Variants in TBCD observed in about 807,000 individuals in gnomAD.
TBCD encodes tubulin folding cofactor D, also known as tubulin-specific chaperone D.
In TBCD, 105 loss-of-function variants were observed where a neutral mutation model predicts 169.3. That is an observed-to-expected ratio of 0.62 (90% CI 0.53 to 0.73). The LOEUF (loss-of-function observed/expected upper bound fraction) is 0.73, where lower values mean the gene tolerates loss of function less well. Among genes scored for constraint, TBCD ranks in the 30% least tolerant of loss-of-function variants. TBCD has a pLI of 0.00. For missense variants in TBCD, 1,444 were observed against 1,600.1 expected (o/e 0.90, Z 1.66); for synonymous variants, 700 against 643.9 (o/e 1.09, Z -1.32).
At chr17:82,937,837 T>C in intron 35 of TBCD, 2 of 1,485,334 alleles carry the variant, frequency 1.3e-6, no homozygotes, top group Non-Finnish European at 9.0e-7. Context: ...GCGTCCTCAC[T>C]TCCCACAGTG....
At chr17:82,816,425 G>T (rs185937033) in intron 13 of TBCD, among the ~76,000 whole-genome samples, 1 of 152,166 alleles carries the variant, frequency 6.6e-6, no homozygotes, top group Admixed American at 6.6e-5. Context: ...GTAACTCCAC[G>T]TTTAACTTTC....
intron 13 of TBCD, among the ~76,000 whole-genome samples, chr17:82,860,065 G>T (rs2056627795): frequency 6.6e-6 from 1 of 152,266 alleles, no homozygotes; most frequent in African/African-American, 2.4e-5. Context: ...CTTGGGGCCA[G>T]TGGAGGTCTG....
chr17:82,816,942 T>C (rs1330392024), intron 13 of TBCD, among the ~76,000 whole-genome samples: 2 of 152,100 alleles, frequency 1.3e-5, no homozygotes, highest in Non-Finnish European at 2.9e-5. Flanking sequence ...CTGATGACAC[T>C]GAGCATTTTC....
At chr17:82,872,328 G>GA (rs1240806431) in intron 14 of TBCD, among the ~76,000 whole-genome samples, 1 of 152,274 alleles carries the variant, frequency 6.6e-6, no homozygotes, top group African/African-American at 2.4e-5. Flanking sequence ...TGGGGTGGCT[G>GA]AGAGCGGCTG....
At chr17:82,856,740 G>T (rs1285071465) in intron 13 of TBCD, among the ~76,000 whole-genome samples, 1 of 148,828 alleles carries the variant, frequency 6.7e-6, no homozygotes, top group Non-Finnish European at 1.5e-5. Flanking sequence ...TGGACCGCGT[G>T]CGGACCCTCG....
At chr17:82,906,580 C>T (rs1319598424) in intron 20 of TBCD, among the ~76,000 whole-genome samples, 1 of 152,224 alleles carries the variant, frequency 6.6e-6, no homozygotes, top group East Asian at 1.9e-4. Flanking sequence ...TGTAAGGCAT[C>T]GACTGTCGTC....
chr17:82,793,682 A>G (rs2049904158), intron 7 of TBCD, among the ~76,000 whole-genome samples: 1 of 152,094 alleles, frequency 6.6e-6, no homozygotes, highest in South Asian at 2.1e-4. Context: ...CTCTCAAGGC[A>G]TTCCAGCCTG....
chr17:82,774,856 A>C (rs1422712266), intron 6 of TBCD, among the ~76,000 whole-genome samples: 1 of 152,258 alleles, frequency 6.6e-6, no homozygotes, highest in African/African-American at 2.4e-5. Flanking sequence ...GTCTGAATGC[A>C]ATTACTGGAG....
intron 6 of TBCD, among the ~76,000 whole-genome samples, chr17:82,779,000 GT>G (rs398120077): frequency 6.8e-6 from 1 of 147,844 alleles, no homozygotes; most frequent in Non-Finnish European, 1.5e-5. Context: ...TAGAGATGGG[GT>G]TTATTTATTT....
chr17:82,816,410 A>G (rs900716893), intron 13 of TBCD, among the ~76,000 whole-genome samples: 2 of 152,202 alleles, frequency 1.3e-5, no homozygotes, highest in African/African-American at 4.8e-5. Context: ...ATGCTGGGTC[A>G]TACGGTAACT....
At chr17:82,822,356 A>G (rs1262611353) in intron 13 of TBCD, among the ~76,000 whole-genome samples, 1 of 152,238 alleles carries the variant, frequency 6.6e-6, no homozygotes, top group East Asian at 1.9e-4. Context: ...ATCCTCAGTG[A>G]TGGGGCCAAC....
Position 82,941,425 on chromosome 17 carries a change from A to C in TBCD, c.3506A>C (p.Glu1169Ala), listed in dbSNP as rs376595024. The C allele has an allele frequency of 1.9e-6, 3 of 1,600,780 alleles. No homozygotes were observed. Among genetic ancestry groups the C allele is most frequent in the Non-Finnish European group, 1.7e-6 (2 of 1,176,612 alleles). The change falls in exon 38 of 39, where the codon GAG becomes GCG. Residue 1169 changes from glutamate (E) to alanine (A), a missense_variant. By Grantham distance (107) the Glu-to-Ala change is moderately radical. Coordinates refer to ENST00000355528, the MANE Select transcript of TBCD (RefSeq NM_005993.5). ...AWDAELAVVR[E>A]QRNRLCDLLG... ...GACGCGGAGCTTGCAGTGGTGAGAG[A>C]GCAGCGCAACCGTCTGTGTGACCTT...
chr17:82,818,501 G>A (rs180987078), intron 13 of TBCD, among the ~76,000 whole-genome samples: 11 of 152,304 alleles, frequency 7.2e-5, no homozygotes, highest in Admixed American at 3.9e-4. Context: ...GTGTGGTGGC[G>A]GTGCCTTTAA....
At chr17:82,867,933 C>T (rs868714482) in intron 13 of TBCD, among the ~76,000 whole-genome samples, 15 of 152,098 alleles carry the variant, frequency 9.9e-5, no homozygotes, top group Non-Finnish European at 1.8e-4. Flanking sequence ...GAGCACAGGT[C>T]CCCCAGGGGG....
At chr17:82,899,119 T>C (rs1177187401) in intron 17 of TBCD, among the ~76,000 whole-genome samples, 1 of 152,186 alleles carries the variant, frequency 6.6e-6, no homozygotes, top group African/African-American at 2.4e-5. Flanking sequence ...GCAGCGCGTG[T>C]GTCCTCAGTG....
In TBCD at chr17:82,809,772, G is replaced by T; in HGVS notation, c.1213G>T (p.Asp405Tyr). The part of the protein sequence containing the change: ...LADDVVGSVL[D>Y]CFSFQETDKA... ...GGATGATGTGGTCGGGTCTGTGCTG[G>T]ACTGCTTCAGGTATGTGAGAAGAGC... is the stretch of plus-strand genomic sequence containing the variant. The change falls in exon 12 of 39, where the codon GAC (aspartate) becomes TAC (tyrosine). Residue 405 changes from aspartate to tyrosine, a missense_variant. Transcript: ENST00000355528. 6.2e-7 allele frequency: 1 copy of T among 1,613,530 alleles called. No individual in the cohort carries two copies. The highest frequency in any genetic ancestry group is 1.1e-5 in the South Asian group (1 of 90,944).
At chr17:82,859,484 C>T in intron 13 of TBCD, 10 of 929,852 alleles carry the variant, frequency 1.1e-5, no homozygotes, top group Non-Finnish European at 1.3e-5. Context: ...CCTCCCTACA[C>T]TCACACACTG....
At position 82,782,096 on chromosome 17, in the gene TBCD, C is replaced by G. The variant is rs866568907; in HGVS notation, c.771+375C>G. ...GGGTGAGTTGAAATTTGATTCTGTT[C>G]CTTTGCACTGGGCTCGGGTTGGATG... On this transcript the variant is annotated intron_variant, in intron 7 of 38. Coordinates refer to ENST00000355528, the MANE Select transcript of TBCD (RefSeq NM_005993.5). This position sits in a 1 kb window ranked among gnomAD's most constrained non-coding sequence, Gnocchi z 5.1. Among the ~76,000 whole-genome samples, 1 of 152,338 alleles carries G rather than the reference C, an allele frequency of 6.6e-6. No individual in the cohort carries two copies. The highest frequency in any genetic ancestry group is 3.4e-3 in the Middle Eastern group (1 of 294).
At chr17:82,834,120 G>T (rs965256055) in intron 13 of TBCD, among the ~76,000 whole-genome samples, 3 of 152,062 alleles carry the variant, frequency 2.0e-5, no homozygotes, top group Non-Finnish European at 2.9e-5. Flanking sequence ...AATTTTTTTT[G>T]TATTTTTAGT....
Sources: gnomAD v4.1 joint callset for allele counts (sites outside exome capture counted in the v4.1 genomes callset) on GRCh38, gnomAD v4.1.1 for gene constraint, Gnocchi (gnomAD v3.1) non-coding constraint, MANE v1.5 for transcripts, NCBI Gene and HGNC (gene_info 2026-07-23, HGNC 2026-07-21) for gene names.